Variants in DNAH3 observed in about 807,000 individuals in gnomAD.
DNAH3 encodes the protein axonemal beta dynein heavy chain 3.
Under a neutral mutation model 432.5 loss-of-function variants are expected in DNAH3, and 332 were observed. The ratio of observed to expected loss-of-function variants is 0.77; its 90% confidence interval spans 0.70 to 0.84. The LOEUF is 0.84. Ranked by LOEUF, DNAH3 falls within the 40% of genes least tolerant of loss-of-function variation. DNAH3 has a pLI of 0.00. For synonymous variants in DNAH3, 1,956 were observed against 1,900.2 expected, an observed-to-expected ratio of 1.03 and a Z score of -0.76; for missense variants, 4,861 against 5,114.0, an observed-to-expected ratio of 0.95 and a Z score of 1.51.
intron 44 of DNAH3, among the ~76,000 whole-genome samples, chr16:20,991,655 T>G (rs984132452): frequency 5.3e-5 from 8 of 152,218 alleles, no homozygotes; most frequent in African/African-American, 7.2e-5. Flanking sequence ...TCTGGGCTGT[T>G]TGACTTGTAG....
At chr16:21,127,046 A>T (rs2092458515) in intron 8 of DNAH3, among the ~76,000 whole-genome samples, 1 of 151,992 alleles carries the variant, frequency 6.6e-6, no homozygotes, top group Admixed American at 6.6e-5. Flanking sequence ...CGTGTGCTTG[A>T]ATCACCCCGA....
chr16:21,091,456 G>A (rs1458480415), intron 18 of DNAH3, among the ~76,000 whole-genome samples: 1 of 152,022 alleles, frequency 6.6e-6, no homozygotes, highest in Non-Finnish European at 1.5e-5. Context: ...CAGGATCACA[G>A]GACACAATAT....
rs2092704542 is a variant in DNAH3, at chr16:21,140,478, C to T, written c.696+58G>A. 3.2e-6 allele frequency: 5 copies of T among 1,540,654 alleles called. No individual in the cohort carries two copies. The South Asian group carries it at 4.7e-5, about 15-fold the overall frequency. On this transcript the variant is annotated intron_variant, in intron 5 of 61. Transcript: ENST00000261383. ...GCTGTTCTCCCTGAATTTAGAATCACTGAGATGCCGAGAGTAACCCTCAGC... is the reference window on the plus strand; with the variant it reads ...GCTGTTCTCCCTGAATTTAGAATCATTGAGATGCCGAGAGTAACCCTCAGC...
At chr16:21,155,362 G>T (rs1165281274) in intron 1 of DNAH3, among the ~76,000 whole-genome samples, 1 of 152,018 alleles carries the variant, frequency 6.6e-6, no homozygotes, top group African/African-American at 2.4e-5. Context: ...AGTGGCTCAT[G>T]CCTGTAATCC....
chr16:20,941,767 C>T (rs149742708), intron 58 of DNAH3, among the ~76,000 whole-genome samples: 12 of 152,222 alleles, frequency 7.9e-5, no homozygotes, highest in African/African-American at 2.9e-4. Context: ...AGAGTAGAGT[C>T]CTGTCCTTGG....
chr16:20,948,652 CAGA>C lies in DNAH3; in HGVS notation c.11189-18_11189-16del, dbSNP rs2084168613. 1.2e-6 allele frequency: 2 copies of C among 1,613,794 alleles called. No individual in the cohort carries two copies. Among genetic ancestry groups the C allele is most frequent in the Non-Finnish European group, 1.7e-6 (2 of 1,179,930 alleles). ...ATTACATTCCCCTGGGGACAACCAACAGAAGGAGAGGTTGAGCCCAGGGAAGGT... is the reference window on the plus strand; with the variant it reads ...ATTACATTCCCCTGGGGACAACCAACAGGAGAGGTTGAGCCCAGGGAAGGT... On this transcript the variant is annotated splice_polypyrimidine_tract_variant and intron_variant, in intron 56 of 61. Coordinates refer to ENST00000261383, the Ensembl canonical transcript of DNAH3.
chr16:21,007,334 A>G (rs780570606), intron 41 of DNAH3, among the ~76,000 whole-genome samples: 15 of 147,814 alleles, frequency 1.0e-4, no homozygotes, highest in Non-Finnish European at 1.8e-4. Context: ...TCAGCCTCCC[A>G]AGTAGCTGGG....
intron 59 of DNAH3, among the ~76,000 whole-genome samples, chr16:20,940,589 G>A (rs1232483982): frequency 6.9e-6 from 1 of 144,486 alleles, no homozygotes; most frequent in Non-Finnish European, 1.5e-5. Flanking sequence ...CACCATGCCT[G>A]CCTTTTTTTT....
chr16:20,991,875 C>G (rs2086574174), intron 44 of DNAH3, among the ~76,000 whole-genome samples: 1 of 152,162 alleles, frequency 6.6e-6, no homozygotes, highest in African/African-American at 2.4e-5. Flanking sequence ...TTGGTAGCTA[C>G]TGATGCTCAA....
rs377562794 is a variant in DNAH3, at chr16:21,092,228, T to C, written c.2665+5127A>G. ...AGCTTCAAGAGTTACTATAAAACTA[T>C]TGTAATCAAAAAAGCGTGGTATTGG... On this transcript the variant is annotated intron_variant, in intron 18 of 61. Transcript: ENST00000261383. 1.5e-4 allele frequency among the ~76,000 whole-genome samples: 23 copies of C among 152,280 alleles called. 1 individual carries two copies. In the East Asian group the frequency reaches 2.1e-3, roughly 14 times the overall value.
intron 11 of DNAH3, among the ~76,000 whole-genome samples, chr16:21,119,988 C>A (rs564345827): frequency 6.6e-6 from 1 of 152,124 alleles, no homozygotes; most frequent in Admixed American, 6.5e-5. Flanking sequence ...CTGTGCCTAG[C>A]CCCTTTAATA....
intron 38 of DNAH3, 135 bp from the exon 39 acceptor site, chr16:21,024,836 G>C (rs1260884621): frequency 1.4e-6 from 1 of 709,258 alleles, no homozygotes; most frequent in Non-Finnish European, 2.5e-6. Context: ...TAGTCCCCTG[G>C]GTTTACCCAC....
intron 41 of DNAH3, among the ~76,000 whole-genome samples, chr16:21,009,438 G>A (rs1385199671): frequency 6.6e-6 from 1 of 152,156 alleles, no homozygotes; most frequent in Non-Finnish European, 1.5e-5. Flanking sequence ...GATACTTAAG[G>A]ATAATTTTTA....
intron 24 of DNAH3, among the ~76,000 whole-genome samples, chr16:21,063,667 C>T (rs563828700): frequency 3.9e-4 from 59 of 152,008 alleles, no homozygotes; most frequent in African/African-American, 1.3e-3. Context: ...CTCAGCCTCC[C>T]GAGTAGCTGG....
rs376448297 is a variant in DNAH3, at chr16:21,120,754, G to A, written c.1685C>T (p.Ala562Val). ...GGCCCTGGTACCTGCCATTGCAGTG[G>A]CAGCCGCGTGCATGCTGGGCTCTCC... Residue 562 changes from alanine (A) to valine (V), a missense_variant, in exon 11 of 62, where the codon GCC becomes GTC. Ala to Val is a moderately conservative substitution (Grantham distance 64, BLOSUM62 0). Coordinates refer to ENST00000261383, the Ensembl canonical transcript of DNAH3. 1.6e-4 allele frequency: 254 copies of A among 1,613,442 alleles called. 8 individuals carry two copies. In the South Asian group the frequency reaches 2.4e-3, roughly 15 times the overall value.
At position 21,086,812 on chromosome 16, in the gene DNAH3, C is replaced by G; in HGVS notation, c.2877+37G>C. ...AAGGACAGTCAGGGCCAGGCCTGGG[C>G]TGCGCTGCTTGGGGGCGGGCAGTGA... On this transcript the variant is annotated intron_variant, in intron 19 of 61. Coordinates refer to ENST00000261383, the Ensembl canonical transcript of DNAH3. 2.5e-6 allele frequency: 4 copies of G among 1,584,966 alleles called. No individual in the cohort carries two copies. In the South Asian group the frequency reaches 3.3e-5, roughly 13 times the overall value.
chr16:20,979,467 T>G (rs1216110688), exon 50 of DNAH3: 3 of 1,614,040 alleles, frequency 1.9e-6, no homozygotes, highest in Non-Finnish European at 2.5e-6. Flanking sequence ...GTAACATAGT[T>G]GTGTCTTCGA....
chr16:20,962,401 T>C (rs2084865799), intron 53 of DNAH3, among the ~76,000 whole-genome samples: 1 of 152,204 alleles, frequency 6.6e-6, no homozygotes, highest in African/African-American at 2.4e-5. Flanking sequence ...GTGAGGCTTC[T>C]TTAAACTCCC....
At chr16:20,977,788 T>C (rs2085664494) in intron 50 of DNAH3, among the ~76,000 whole-genome samples, 1 of 152,160 alleles carries the variant, frequency 6.6e-6, no homozygotes, top group Admixed American at 6.6e-5. Flanking sequence ...ACCCAAGAAA[T>C]GTTAACTGGT....
Sources: allele counts gnomAD v4.1 joint callset (sites outside exome capture counted in the v4.1 genomes callset), GRCh38; gene constraint gnomAD v4.1.1; transcripts MANE v1.5; gene names NCBI Gene and HGNC (gene_info 2026-07-23, HGNC 2026-07-21).